The following NSUN6 variants were observed in gnomAD, a reference collection of about 807,000 sequenced individuals.
NSUN6 encodes tRNA (cytosine(72)-C(5))-methyltransferase NSUN6.
NSUN6 carries 64 observed loss-of-function variants against 58.0 expected under a neutral mutation model. The observed-to-expected ratio is 1.10, with a 90% CI of 0.90 to 1.36. The LOEUF is 1.36. NSUN6 is among the 40% of genes most tolerant of loss of function. The pLI is 0.00. For missense variants in NSUN6, 701 were observed against 550.1 expected (o/e 1.27, Z -2.74); for synonymous variants, 231 against 193.9 (o/e 1.19, Z -1.59).
chr10:18,547,201 G>A (rs909908489), intron 10 of NSUN6, among the ~76,000 whole-genome samples: 5 of 152,170 alleles, frequency 3.3e-5, no homozygotes, highest in African/African-American at 7.2e-5. Flanking sequence ...ATAATCCTAA[G>A]TCACCATCAC....
chr10:18,588,236 C>T (rs2057245080), intron 7 of NSUN6, among the ~76,000 whole-genome samples: 1 of 152,196 alleles, frequency 6.6e-6, no homozygotes, highest in East Asian at 1.9e-4. Flanking sequence ...CTGGGCAGGG[C>T]ATCTCTGAAG....
intron 3 of NSUN6, among the ~76,000 whole-genome samples, chr10:18,621,586 G>T (rs544739093): frequency 6.6e-6 from 1 of 152,196 alleles, no homozygotes; most frequent in African/African-American, 2.4e-5. Flanking sequence ...TATGCTAAAA[G>T]CTTGATTTTT....
At chr10:18,551,600 C>T (rs1244688022) in intron 9 of NSUN6, 2 of 394,096 alleles carry the variant, frequency 5.1e-6, no homozygotes, top group Non-Finnish European at 9.0e-6. Context: ...CCAGGTTCAC[C>T]CATGTTGTGC....
rs1465330791 is a variant in NSUN6 at position 18,545,765 on chromosome 10, C to A, written c.*168G>T. Reference sequence around the variant, plus strand: ...CAGAAAATATAATCTCATACCACCCCCTACTTCCTCTATGTCTCTGGATCC... The same window carrying A: ...CAGAAAATATAATCTCATACCACCCACTACTTCCTCTATGTCTCTGGATCC... On this transcript the variant is annotated 3_prime_UTR_variant, in exon 11 of 11. Coordinates refer to ENST00000377304, the MANE Select transcript of NSUN6 (RefSeq NM_182543.5). 1 of 586,096 alleles carries A rather than the reference C, an allele frequency of 1.7e-6. No individual in the cohort carries two copies. The highest frequency in any genetic ancestry group is 2.9e-6 in the Non-Finnish European group (1 of 339,310). The allele number at this position is 586,096 out of a possible 1,614,324, so 36.3% of individuals were successfully genotyped here.
At chr10:18,596,395 T>G in intron 6 of NSUN6, 68 bp from the exon 7 acceptor site, 2 of 1,093,724 alleles carry the variant, frequency 1.8e-6, no homozygotes, top group Non-Finnish European at 2.8e-6. Context: ...AACCAGAGAA[T>G]ATAAAGAACC....
At chr10:18,647,581 G>A (rs1049329912) in intron 2 of NSUN6, among the ~76,000 whole-genome samples, 15 of 152,028 alleles carry the variant, frequency 9.9e-5, no homozygotes, top group African/African-American at 3.6e-4. Flanking sequence ...TTATAATATT[G>A]TTTTCATCTG....
intron 9 of NSUN6, among the ~76,000 whole-genome samples, chr10:18,551,329 C>T (rs2054593748): frequency 7.0e-6 from 1 of 142,202 alleles, no homozygotes; most frequent in Non-Finnish European, 1.5e-5. Context: ...TCATTTTAGC[C>T]ATTTTAAGTC....
intron 8 of NSUN6, among the ~76,000 whole-genome samples, chr10:18,568,937 T>C (rs1419452317): frequency 6.6e-6 from 1 of 151,230 alleles, no homozygotes; most frequent in African/African-American, 2.4e-5. Context: ...CATTTGGTTC[T>C]CCATTCCATT....
intron 5 of NSUN6, among the ~76,000 whole-genome samples, chr10:18,613,025 T>C (rs1198831289): frequency 2.6e-5 from 4 of 152,250 alleles, no homozygotes; most frequent in Non-Finnish European, 5.9e-5. Flanking sequence ...ATTTCTGTTA[T>C]AGCAGCCTGC....
rs1236416107 is a variant in NSUN6, at chr10:18,632,555, A to T, written c.311+9921T>A. 5.9e-5 allele frequency among the ~76,000 whole-genome samples: 9 copies of T among 151,898 alleles called. No homozygotes were observed. The East Asian group carries it at 1.2e-3, about 20-fold the overall frequency. On this transcript the variant is annotated intron_variant, in intron 3 of 10. Coordinates refer to ENST00000377304, the MANE Select transcript of NSUN6 (RefSeq NM_182543.5). ...ATCTACAATGAACTCAAACACATTTACAAGAAAAAAACAAACAACCCCATC... is the reference window on the plus strand; with the variant it reads ...ATCTACAATGAACTCAAACACATTTTCAAGAAAAAAACAAACAACCCCATC...
rs766998894 is a variant in NSUN6 at position 18,548,194 on chromosome 10, G to T, written c.1115C>A (p.Thr372Lys). The part of the protein sequence containing the change: ...LKPEGVLVYS[T>K]CTITLAENEE... ...ATTTTCGGCCAGTGTTATAGTGCAC[G>T]TGCTATAAACCAGCACACCCTCTGG... Residue 372 changes from threonine (T) to lysine (K), a missense_variant, in exon 10 of 11, where the codon ACG (threonine) becomes AAG (lysine). Coordinates refer to ENST00000377304, the MANE Select transcript of NSUN6 (RefSeq NM_182543.5). The T allele has an allele frequency of 2.5e-6, 4 of 1,613,294 alleles. No individual in the cohort carries two copies. The highest frequency in any genetic ancestry group is 1.3e-5 in the African/African-American group (1 of 74,904).
At position 18,545,773 on chromosome 10, in the gene NSUN6, C is replaced by G; in HGVS notation, c.*160G>C. 1 of 607,912 alleles carries G rather than the reference C, an allele frequency of 1.6e-6. No homozygotes were observed. The highest frequency in any genetic ancestry group is 3.3e-5 in the Admixed American group (1 of 30,556). The allele number at this position is 607,912 out of a possible 1,614,324, so 37.7% of individuals were successfully genotyped here. ...ATAATCTCATACCACCCCCTACTTC[C>G]TCTATGTCTCTGGATCCCTGGTAAA... On this transcript the variant is annotated 3_prime_UTR_variant, in exon 11 of 11. Transcript: ENST00000377304.
intron 8 of NSUN6, among the ~76,000 whole-genome samples, chr10:18,578,222 T>C: frequency 7.2e-6 from 1 of 139,340 alleles, no homozygotes. Context: ...GAGCCTCTTC[T>C]CTAAGCCTAT....
chr10:18,559,215 T>A lies in NSUN6; in HGVS notation c.923-7244A>T, dbSNP rs180845583. Among the ~76,000 whole-genome samples the A allele has an allele frequency of 3.9e-3, 586 of 149,726 alleles. 4 individuals carry two copies. The highest frequency in any genetic ancestry group is 0.013 in the African/African-American group (535 of 40,746). ...AGATGGAATGGAATAGAGAATGGAA[T>A]GGTGAATGCAATGGAATGGGGAATG... On this transcript the variant is annotated intron_variant, in intron 8 of 10. Coordinates refer to ENST00000377304, the MANE Select transcript of NSUN6 (RefSeq NM_182543.5).
Position 18,616,356 on chromosome 10 carries a change from C to T in NSUN6, c.312-63G>A, listed in dbSNP as rs1366098397. On this transcript the variant is annotated intron_variant, in intron 3 of 10. Transcript: ENST00000377304. ...ACCTCCAATGCCTACCAATTTTTCC[C>T]GTGTTCTATCTGAACTCTAATGCCT... The T allele has an allele frequency of 1.7e-5, 16 of 963,226 alleles. 1 individual carries two copies. In the Middle Eastern group the frequency reaches 8.4e-4, roughly 50 times the overall value. The allele number at this position is 963,226 out of a possible 1,614,324, so 59.7% of individuals were successfully genotyped here. A position where few individuals can be genotyped will look rare whatever the true frequency, so the allele number is the denominator to read the frequency against.
At chr10:18,592,258 A>T (rs781014452) in intron 7 of NSUN6, among the ~76,000 whole-genome samples, 4 of 152,198 alleles carry the variant, frequency 2.6e-5, no homozygotes, top group Non-Finnish European at 4.4e-5. Context: ...ATGCTCGTGG[A>T]TAGGAAGAAT....
At chr10:18,617,781 G>C (rs1482153194) in intron 3 of NSUN6, among the ~76,000 whole-genome samples, 1 of 152,062 alleles carries the variant, frequency 6.6e-6, no homozygotes, top group African/African-American at 2.4e-5. Context: ...AGGCCTATTG[G>C]GAGCTGTTCA....
chr10:18,618,682 CA>C (rs35116933), intron 3 of NSUN6, among the ~76,000 whole-genome samples: 1,286 of 51,488 alleles, frequency 0.025, 7 homozygotes, highest in South Asian at 0.075. Context: ...AACTCCATCT[CA>C]AAAAAAAAAA....
At chr10:18,572,594 A>G (rs1183594218) in intron 8 of NSUN6, among the ~76,000 whole-genome samples, 1 of 143,244 alleles carries the variant, frequency 7.0e-6, no homozygotes, top group Non-Finnish European at 1.5e-5. Flanking sequence ...TTTCAACTCC[A>G]TTCCATTCTC....
Sources: gnomAD v4.1 joint callset for allele counts (sites outside exome capture counted in the v4.1 genomes callset) on GRCh38, gnomAD v4.1.1 for gene constraint, MANE v1.5 for transcripts, NCBI Gene and HGNC (gene_info 2026-07-23, HGNC 2026-07-21) for gene names.